The following BACH2 variants were observed in gnomAD, a reference collection of about 807,000 sequenced individuals.
BACH2 encodes the protein BACH transcriptional regulator 2, also known as transcription regulator protein BACH2.
A neutral mutation model predicts 61.8 loss-of-function variants in BACH2; 5 were observed. The ratio of observed to expected loss-of-function variants is 0.08; its 90% CI spans 0.04 to 0.17. The LOEUF (loss-of-function observed/expected upper bound fraction) is 0.17. Ranked by LOEUF, BACH2 falls within the 10% of genes least tolerant of loss-of-function variation. The pLI, the probability that BACH2 is intolerant of heterozygous loss-of-function variation, is 1.00. For synonymous variants in BACH2, 446 were observed against 440.1 expected (o/e 1.01, Z -0.17); for missense variants, 824 against 1,091.1 (o/e 0.76, Z 3.45).
intron 3 of BACH2, among the ~76,000 whole-genome samples, chr6:90,210,476 CT>C (rs1246610054): frequency 6.6e-6 from 1 of 152,150 alleles, no homozygotes; most frequent in African/African-American, 2.4e-5. Flanking sequence ...CTATCAAGTA[CT>C]TTCCATCTCC....
chr6:90,009,060 T>C (rs1777565923), intron 5 of BACH2, among the ~76,000 whole-genome samples: 1 of 152,232 alleles, frequency 6.6e-6, no homozygotes, highest in Non-Finnish European at 1.5e-5. Context: ...TAAAGTCAAG[T>C]TCCACAGCTG....
At position 89,932,709 on chromosome 6, in the gene BACH2, G is replaced by C; in HGVS notation, c.2225C>G (p.Ser742Cys). The C allele has an allele frequency of 6.2e-7, 1 of 1,614,146 alleles. No individual in the cohort carries two copies. The highest frequency in any genetic ancestry group is 8.5e-7 in the Non-Finnish European group (1 of 1,180,020). ...ACCCAAGGGCGCAGGGTTAATACTG[G>C]AGGCCGTGGGCAAGTCCATGGGTCT... ...VLRPMDLPTASSINPAPLGAE... is the reference protein window; with the variant it reads ...VLRPMDLPTACSINPAPLGAE... Residue 742 changes from serine to cysteine, a missense_variant, in exon 9 of 9, where the codon TCC (serine) becomes TGC (cysteine). This residue lies in a region of BACH2 where 135 missense variants were observed against 142.7 expected (regional missense o/e 0.95). Coordinates refer to ENST00000257749, the MANE Select transcript of BACH2 (RefSeq NM_021813.4).
chr6:90,194,203 C>G (rs1443248587), intron 4 of BACH2, among the ~76,000 whole-genome samples: 1 of 151,986 alleles, frequency 6.6e-6, no homozygotes, highest in Non-Finnish European at 1.5e-5. Context: ...TTTTTATAAT[C>G]AATCTGAAAA....
chr6:90,019,491 T>C (rs1047101102), intron 5 of BACH2, among the ~76,000 whole-genome samples: 3 of 152,218 alleles, frequency 2.0e-5, no homozygotes, highest in African/African-American at 7.2e-5. Flanking sequence ...GCTTCCATGT[T>C]TGTAAAATGA....
chr6:90,212,710 A>G (rs1415523043), intron 3 of BACH2, among the ~76,000 whole-genome samples: 1 of 152,244 alleles, frequency 6.6e-6, no homozygotes, highest in East Asian at 1.9e-4. Flanking sequence ...ATTTTAACTA[A>G]TATATGAGTT....
intron 5 of BACH2, among the ~76,000 whole-genome samples, chr6:90,027,546 C>A (rs574044356): frequency 6.6e-6 from 1 of 152,304 alleles, no homozygotes; most frequent in Admixed American, 6.5e-5. Flanking sequence ...TACCCCCTCT[C>A]CAAACGGTAA....
At chr6:90,272,619 AAT>A (rs1240458291) in intron 1 of BACH2, among the ~76,000 whole-genome samples, 1 of 152,210 alleles carries the variant, frequency 6.6e-6, no homozygotes, top group Non-Finnish European at 1.5e-5. Context: ...TGATTTCTGC[AAT>A]AGCAGAATTA....
chr6:90,107,240 C>T (rs766583422), intron 4 of BACH2, among the ~76,000 whole-genome samples: 3 of 152,024 alleles, frequency 2.0e-5, no homozygotes, highest in East Asian at 1.9e-4. Flanking sequence ...GGTGTGGTGG[C>T]GTGCGCCTGT....
At chr6:90,128,927 C>G (rs951545219) in intron 4 of BACH2, among the ~76,000 whole-genome samples, 3 of 152,066 alleles carry the variant, frequency 2.0e-5, no homozygotes, top group Non-Finnish European at 2.9e-5. Context: ...ATGAATGAAG[C>G]TGGAAACCAT....
At chr6:90,064,603 T>A (rs561061011) in intron 5 of BACH2, among the ~76,000 whole-genome samples, 1 of 152,234 alleles carries the variant, frequency 6.6e-6, no homozygotes, top group East Asian at 1.9e-4. Flanking sequence ...AGCAGGGGCA[T>A]CCTAAAGCAG....
At chr6:90,166,724 C>T (rs890697040) in intron 4 of BACH2, among the ~76,000 whole-genome samples, 5 of 152,076 alleles carry the variant, frequency 3.3e-5, no homozygotes, top group Non-Finnish European at 7.4e-5. Flanking sequence ...ACTATGCAGC[C>T]ATAAAAAATG....
At chr6:90,133,327 G>A (rs1784141372) in intron 4 of BACH2, among the ~76,000 whole-genome samples, 1 of 152,150 alleles carries the variant, frequency 6.6e-6, no homozygotes, top group Non-Finnish European at 1.5e-5. Flanking sequence ...GCCCCTCTGG[G>A]TGGAAGACAC....
At chr6:90,154,957 G>C (rs1411311831) in intron 4 of BACH2, among the ~76,000 whole-genome samples, 1 of 152,216 alleles carries the variant, frequency 6.6e-6, no homozygotes, top group African/African-American at 2.4e-5. Context: ...GGAAGAACTT[G>C]AAGCAGGCTC....
At chr6:89,978,954 T>A (rs1775804975) in intron 6 of BACH2, among the ~76,000 whole-genome samples, 1 of 151,852 alleles carries the variant, frequency 6.6e-6, no homozygotes, top group South Asian at 2.1e-4. Context: ...TCCGAGGGGG[T>A]TGGTGGAGAA....
intron 6 of BACH2, among the ~76,000 whole-genome samples, chr6:89,979,055 T>C (rs1414986297): frequency 6.6e-6 from 1 of 152,240 alleles, no homozygotes; most frequent in Non-Finnish European, 1.5e-5. Context: ...GTATGTTTCC[T>C]TGATACTGGA....
Position 90,093,402 on chromosome 6 carries a change from C to T in BACH2, c.-161-4293G>A, listed in dbSNP as rs192926799. ...AAAAAGACACTAACTTAGGCCTCTA[C>T]TAATGCTATTCTACTAACACTGTTT... On this transcript the variant is annotated intron_variant, in intron 4 of 8. Coordinates refer to ENST00000257749, the MANE Select transcript of BACH2 (RefSeq NM_021813.4). Among the ~76,000 whole-genome samples, 344 of 152,238 alleles carry T rather than the reference C, an allele frequency of 2.3e-3. 2 individuals carry two copies. Among genetic ancestry groups the T allele is most frequent in the African/African-American group, 7.7e-3 (321 of 41,536 alleles).
chr6:90,247,401 AT>A lies in BACH2; in HGVS notation c.-275+5111del, dbSNP rs34306682. On this transcript the variant is annotated intron_variant, in intron 3 of 8. Transcript: ENST00000257749. ...CAGGCATGCACCACCATGTACAGTTATTTTTTTTTTTGAGATGGGGTCTTGC... is the reference window on the plus strand; with the variant it reads ...CAGGCATGCACCACCATGTACAGTTATTTTTTTTTTGAGATGGGGTCTTGC... 8.5e-4 allele frequency among the ~76,000 whole-genome samples: 124 copies of A among 145,510 alleles called. 1 individual carries two copies. The highest frequency in any genetic ancestry group is 1.6e-3 in the African/African-American group (65 of 40,026).
chr6:90,200,859 G>A (rs1476395871), intron 4 of BACH2, among the ~76,000 whole-genome samples: 2 of 152,154 alleles, frequency 1.3e-5, no homozygotes, highest in Admixed American at 6.5e-5. Flanking sequence ...AATATTTTTA[G>A]TATGAAAGAA....
chr6:90,235,484 G>GT (rs1294003034), intron 3 of BACH2, among the ~76,000 whole-genome samples: 1 of 152,154 alleles, frequency 6.6e-6, no homozygotes, highest in Non-Finnish European at 1.5e-5. Context: ...TTTGATTACT[G>GT]TTAAGGATGT....
Sources: allele counts gnomAD v4.1 joint callset (sites outside exome capture counted in the v4.1 genomes callset), GRCh38; gene constraint gnomAD v4.1.1; regional missense constraint gnomAD v4.1.1; transcripts MANE v1.5; gene names NCBI Gene and HGNC (gene_info 2026-07-23, HGNC 2026-07-21).